TBX1: variants seen among roughly 807,000 people sequenced by gnomAD.
The protein encoded by TBX1 is T-box transcription factor 1.
Under a neutral mutation model 40.8 loss-of-function variants are expected in TBX1, and 16 were observed. The ratio of observed to expected loss-of-function variants is 0.39; its 90% CI spans 0.27 to 0.60. The LOEUF (loss-of-function observed/expected upper bound fraction) is 0.60, where lower values mean the gene tolerates loss of function less well. Ranked by LOEUF, TBX1 falls within the 20% of genes least tolerant of loss-of-function variation. The probability of loss-of-function intolerance (pLI) is 0.51; values close to 1 mark genes in which losing one functional copy is unlikely to be tolerated. For missense variants in TBX1, 755 were observed against 728.5 expected, an observed-to-expected ratio of 1.04 and a Z score of -0.42; for synonymous variants, 403 against 336.8, an observed-to-expected ratio of 1.20 and a Z score of -2.15.
At chr22:19,779,050 T>TGTCTGTGTCTGTGTCCTGTGGGC (rs1937109529) in intron 8 of TBX1, among the ~76,000 whole-genome samples, 1 of 152,244 alleles carries the variant, frequency 6.6e-6, no homozygotes, top group African/African-American at 2.4e-5. Flanking sequence ...GTGGAGGCCG[T>TGTCTGTGTCTGTGTCCTGTGGGC]GTCTGTGTCT....
Position 19,766,368 on chromosome 22 carries a change from AC to A in TBX1, c.1037-20del. The stretch of plus-strand genomic sequence containing the variant: ...TCGGCGGCCCCGGCCGGCCGCGCTC[AC>A]TCCTCGGCCCTCTCCGCAGACGCGG... On this transcript the variant is annotated intron_variant, in intron 6 of 6. Coordinates refer to ENST00000649276, the MANE Select transcript of TBX1 (RefSeq NM_001379200.1). 1 of 1,262,362 alleles carries A rather than the reference AC, an allele frequency of 7.9e-7. No individual in the cohort carries two copies. Among genetic ancestry groups the A allele is most frequent in the Non-Finnish European group, 1.0e-6 (1 of 1,001,526 alleles). 78.2% of individuals were successfully genotyped at this position (1,262,362 alleles called of 1,614,324 possible).
downstream of TBX1, chr22:19,783,268 G>A (rs1487784455): frequency 1.9e-6 from 1 of 514,814 alleles, no homozygotes; most frequent in Non-Finnish European, 3.5e-6. Flanking sequence ...AATGGCACCA[G>A]GATGAGGCCA....
downstream of TBX1, among the ~76,000 whole-genome samples, chr22:19,780,008 T>C (rs762164492): frequency 6.6e-6 from 1 of 152,280 alleles, no homozygotes; most frequent in Non-Finnish European, 1.5e-5. Context: ...AAAATTGACG[T>C]ATTTATTGTG....
At chr22:19,773,115 G>A (rs904442175) in intron 8 of TBX1, among the ~76,000 whole-genome samples, 1 of 152,232 alleles carries the variant, frequency 6.6e-6, no homozygotes. Context: ...GTTGAGCTGA[G>A]GCAAAATACG....
intron 4 of TBX1, among the ~76,000 whole-genome samples, chr22:19,765,352 G>T (rs771147804): frequency 6.6e-6 from 1 of 152,104 alleles, no homozygotes; most frequent in East Asian, 1.9e-4. Context: ...ACTTCGTCCT[G>T]AAAGTTTGTT....
chr22:19,782,906 ACTCCAGGG>A, downstream of TBX1: 1 of 1,613,760 alleles, frequency 6.2e-7, no homozygotes, highest in Non-Finnish European at 8.5e-7. Flanking sequence ...CCTCTCCTGG[ACTCCAGGG>A]CTGGTCACAG....
rs553807294 is a variant in TBX1 at position 19,765,030 on chromosome 22, G to C, written c.784G>C (p.Glu262Gln). 21 of 1,614,202 alleles carry C rather than the reference G, an allele frequency of 1.3e-5. No individual in the cohort carries two copies. In the South Asian group the frequency reaches 2.3e-4, roughly 18 times the overall value. The change falls in exon 4 of 7, where the codon GAG becomes CAG. Residue 262 changes from glutamate to glutamine, a missense_variant. Glu to Gln is a conservative substitution (Grantham distance 29). This residue lies in a region of TBX1 where 144 missense variants were observed against 238.0 expected (regional missense o/e 0.61). Coordinates refer to ENST00000649276, the MANE Select transcript of TBX1 (RefSeq NM_001379200.1). ...CTATGTGGACCCACGCAAAGATAGC[G>C]AGAAATATGCCGAGGAGAACTTCAA... Reference protein sequence around the residue: ...VVYVDPRKDSEKYAEENFKTF... With the variant: ...VVYVDPRKDSQKYAEENFKTF...
At chr22:19,758,507 G>A (rs1331777475), upstream of TBX1, among the ~76,000 whole-genome samples, 1 of 152,214 alleles carries the variant, frequency 6.6e-6, no homozygotes, top group East Asian at 1.9e-4. Flanking sequence ...CAGGCAGAGC[G>A]GCGGGCCTCG....
chr22:19,764,914 G>C, intron 3 of TBX1, 44 bp from the exon 4 acceptor site: 2 of 1,612,620 alleles, frequency 1.2e-6, no homozygotes, highest in Non-Finnish European at 1.7e-6. Flanking sequence ...CAGATCCTCA[G>C]CCCAGCCCCA....
upstream of TBX1, chr22:19,759,780 G>A (rs1056116417): frequency 1.9e-5 from 25 of 1,336,656 alleles, no homozygotes; most frequent in Admixed American, 1.7e-4. Context: ...TCTTGGTAGC[G>A]TGGGCTCCAG....
upstream of TBX1, among the ~76,000 whole-genome samples, chr22:19,759,118 T>C (rs934539463): frequency 6.6e-6 from 1 of 152,146 alleles, no homozygotes; most frequent in African/African-American, 2.4e-5. Context: ...GCTGCTGGCA[T>C]AGACACCTCT....
intron 8 of TBX1, among the ~76,000 whole-genome samples, chr22:19,777,655 C>T (rs1937086946): frequency 6.6e-6 from 1 of 152,158 alleles, no homozygotes; most frequent in East Asian, 1.9e-4. Flanking sequence ...TTGACCCATT[C>T]TGGGTATCGG....
chr22:19,781,062 G>A (rs891636087), downstream of TBX1, among the ~76,000 whole-genome samples: 1 of 152,116 alleles, frequency 6.6e-6, no homozygotes, highest in Non-Finnish European at 1.5e-5. Flanking sequence ...GATTACAGGC[G>A]TGAGCCACTG....
chr22:19,782,248 A>T (rs770626207), downstream of TBX1, among the ~76,000 whole-genome samples: 1 of 152,232 alleles, frequency 6.6e-6, no homozygotes, highest in Non-Finnish European at 1.5e-5. Context: ...TTTGGGTAGT[A>T]TGGATATCTT....
At chr22:19,757,241 CG>C (rs1453974474), upstream of TBX1, among the ~76,000 whole-genome samples, 1 of 152,168 alleles carries the variant, frequency 6.6e-6, no homozygotes, top group Non-Finnish European at 1.5e-5. Context: ...TCCACCCTGA[CG>C]GCCTCTTCTC....
In TBX1 at chr22:19,766,312, G is replaced by A. The variant is rs966663161; in HGVS notation, c.1037-77G>A. On this transcript the variant is annotated intron_variant, in intron 6 of 6. Transcript: ENST00000649276. Reference sequence around the variant, plus strand: ...GAGGGCGGCCAAGAGCCTTCTCTCCGCCAGGGCCTCGCATGGGGCGTCGGA... The same window carrying A: ...GAGGGCGGCCAAGAGCCTTCTCTCCACCAGGGCCTCGCATGGGGCGTCGGA... The A allele has an allele frequency of 4.1e-6, 5 of 1,221,196 alleles. No individual in the cohort carries two copies. In the South Asian group the frequency reaches 1.3e-4, roughly 31 times the overall value. The allele number at this position is 1,221,196 out of a possible 1,614,324, so 75.6% of individuals were successfully genotyped here.
chr22:19,767,677 G>T (rs1936910481), downstream of TBX1, among the ~76,000 whole-genome samples: 1 of 152,358 alleles, frequency 6.6e-6, no homozygotes, highest in South Asian at 2.1e-4. Flanking sequence ...ACCTGCAGTT[G>T]TCCCTATTCT....
chr22:19,773,166 CAAT>C lies in TBX1; in HGVS notation c.1010-6051_1010-6049del, dbSNP rs1259644394. Among the ~76,000 whole-genome samples the C allele has an allele frequency of 2.0e-5, 3 of 152,258 alleles. No homozygotes were observed. The South Asian group carries it at 6.2e-4, about 32-fold the overall frequency. On this transcript the variant is annotated intron_variant, in intron 8 of 8. Coordinates refer to the TBX1 transcript ENST00000329705. ...ATGCAAATAATCACCCTTCTGATAA[CAAT>C]AAGTCAAGTCTCAAGGGACTAAGAA...
chr22:19,771,129 C>T (rs1936983123), downstream of TBX1, among the ~76,000 whole-genome samples: 1 of 152,174 alleles, frequency 6.6e-6, no homozygotes, highest in Non-Finnish European at 1.5e-5. Flanking sequence ...GCATCTGCAC[C>T]ATCCTGCCTC....
Sources: allele counts gnomAD v4.1 joint callset (sites outside exome capture counted in the v4.1 genomes callset), GRCh38; gene constraint gnomAD v4.1.1; regional missense constraint gnomAD v4.1.1; transcripts MANE v1.5; gene names NCBI Gene and HGNC (gene_info 2026-07-23, HGNC 2026-07-21).